EXT2: variants seen among roughly 807,000 people sequenced by gnomAD.
The protein encoded by EXT2 is exostosin glycosyltransferase 2, also known as exostosin-2.
EXT2 carries 53 observed loss-of-function variants against 81.6 expected under a neutral mutation model. The ratio of observed to expected loss-of-function variants is 0.65; its 90% CI spans 0.52 to 0.82. The LOEUF (loss-of-function observed/expected upper bound fraction) is 0.82, where lower values mean the gene tolerates loss of function less well. EXT2 is among the 40% of genes least tolerant of loss of function. The pLI, the probability that EXT2 is intolerant of heterozygous loss-of-function variation, is 0.00. For synonymous variants in EXT2, 320 were observed against 340.0 expected (o/e 0.94, Z 0.65); for missense variants, 774 against 910.2 (o/e 0.85, Z 1.93).
intron 10 of EXT2, among the ~76,000 whole-genome samples, chr11:44,230,953 A>G (rs10466399): frequency 0.22 from 34,099 of 152,136 alleles, 4,272 homozygotes; most frequent in Non-Finnish European, 0.29. Context: ...GCTCTGGCAT[A>G]TGATCATATG....
rs1555004227 is a variant in EXT2 at position 44,119,124 on chromosome 11, T to TA, written c.743+4823_743+4824insA. 1.5e-3 allele frequency among the ~76,000 whole-genome samples: 38 copies of TA among 25,650 alleles called. 1 individual carries two copies. The highest frequency in any genetic ancestry group is 6.3e-3 in the South Asian group (3 of 474). The allele number at this position is 25,650 out of a possible 152,430, so 16.8% of individuals were successfully genotyped here. ...TGTCCCCCAGGGGACATTTGGCTAT[T>TA]TATATATATATATATATATATATAT... On this transcript the variant is annotated intron_variant, in intron 4 of 13. Coordinates refer to ENST00000533608, the MANE Select transcript of EXT2 (RefSeq NM_207122.2).
intron 7 of EXT2, among the ~76,000 whole-genome samples, chr11:44,163,697 G>C (rs1331808071): frequency 6.6e-6 from 1 of 152,204 alleles, no homozygotes; most frequent in African/African-American, 2.4e-5. Flanking sequence ...GTCAATGTTA[G>C]TGTGTTAAGA....
intron 6 of EXT2, among the ~76,000 whole-genome samples, chr11:44,127,284 A>G (rs1014478530): frequency 5.3e-5 from 8 of 152,168 alleles, no homozygotes; most frequent in African/African-American, 1.9e-4. Context: ...AAATATCACT[A>G]TCTGGCCTTT....
Position 44,108,095 on chromosome 11 carries a change from G to C in EXT2, c.383G>C (p.Arg128Pro), listed in dbSNP as rs771039412. 1.2e-6 allele frequency: 2 copies of C among 1,614,156 alleles called. No individual in the cohort carries two copies. The highest frequency in any genetic ancestry group is 1.7e-6 in the Non-Finnish European group (2 of 1,180,028). The change falls in exon 2 of 14, where the codon CGG (arginine) becomes CCG (proline). Residue 128 changes from arginine to proline, a missense_variant. Physicochemically the swap from Arg to Pro is moderately radical, Grantham distance 103. Coordinates refer to ENST00000533608, the MANE Select transcript of EXT2 (RefSeq NM_207122.2). ...GTCTCTGTCAGCAACACCATCTCCC[G>C]GGAGTATAATGAACTGCTCATGGCC... ...FGVSVSNTIS[R>P]EYNELLMAIS...
At chr11:44,222,037 A>G (rs1590659331) in intron 10 of EXT2, among the ~76,000 whole-genome samples, 1 of 152,316 alleles carries the variant, frequency 6.6e-6, no homozygotes, top group South Asian at 2.1e-4. Flanking sequence ...TCTCGATCAT[A>G]TTTATTTCTT....
intron 7 of EXT2, 137 bp from the exon 8 acceptor site, chr11:44,171,474 A>C: frequency 7.9e-7 from 1 of 1,272,820 alleles, no homozygotes; most frequent in Non-Finnish European, 1.1e-6. Context: ...AGCAGGGAGC[A>C]TATGCCCTAG....
intron 7 of EXT2, among the ~76,000 whole-genome samples, chr11:44,143,538 G>A (rs1241016593): frequency 6.6e-6 from 1 of 152,178 alleles, no homozygotes; most frequent in African/African-American, 2.4e-5. Flanking sequence ...AAAAGTGAGA[G>A]CCACTGACAT....
chr11:44,162,762 G>A (rs1954944276), intron 7 of EXT2, among the ~76,000 whole-genome samples: 2 of 152,084 alleles, frequency 1.3e-5, no homozygotes, highest in Non-Finnish European at 2.9e-5. Flanking sequence ...TTATGTAACT[G>A]ATAGGTGAAG....
At chr11:44,134,089 A>G (rs1000207866) in intron 7 of EXT2, among the ~76,000 whole-genome samples, 6 of 152,242 alleles carry the variant, frequency 3.9e-5, no homozygotes, top group Non-Finnish European at 5.9e-5. Flanking sequence ...ACCAGTGAGC[A>G]GTGCTGCCAC....
chr11:44,124,842 G>C lies in EXT2; in HGVS notation c.797G>C (p.Arg266Thr), dbSNP rs765662591. Residue 266 changes from arginine to threonine, a missense_variant, in exon 5 of 14, where the codon AGA becomes ACA. Arg to Thr is a moderately conservative substitution (Grantham distance 71, BLOSUM62 -1). Coordinates refer to ENST00000533608, the MANE Select transcript of EXT2 (RefSeq NM_207122.2). ...CAGGTGGGTCTCCATCCTGAGTACA[G>C]AGAGGACCTAGAAGCCCTCCAGGTC... ...SSQVGLHPEY[R>T]EDLEALQVKH... The C allele has an allele frequency of 6.2e-7, 1 of 1,614,036 alleles. No homozygotes were observed. Among genetic ancestry groups the C allele is most frequent in the African/African-American group, 1.3e-5 (1 of 74,980 alleles).
intron 6 of EXT2, among the ~76,000 whole-genome samples, chr11:44,129,138 T>C (rs1441657979): frequency 1.3e-5 from 2 of 152,224 alleles, no homozygotes; most frequent in African/African-American, 2.4e-5. Context: ...AAGTCTTCCC[T>C]CATCTGCATC....
intron 9 of EXT2, among the ~76,000 whole-genome samples, chr11:44,201,626 G>C (rs1955523623): frequency 6.6e-6 from 1 of 152,186 alleles, no homozygotes; most frequent in South Asian, 2.1e-4. Context: ...TGTGTTGTCA[G>C]TTCTTTGATT....
At chr11:44,152,414 G>T (rs2135085417) in intron 7 of EXT2, among the ~76,000 whole-genome samples, 1 of 152,232 alleles carries the variant, frequency 6.6e-6, no homozygotes, top group South Asian at 2.1e-4. Flanking sequence ...GCAGTGGTGT[G>T]TTCTCAGCTC....
rs895643419 is a variant in EXT2 at position 44,245,284 on chromosome 11, G to A, written c.*997G>A. On this transcript the variant is annotated 3_prime_UTR_variant, in exon 14 of 14. Transcript: ENST00000533608. ...GGGAATTGTGACCCCCATCCCAAGGGGATGCCAAAATTTCTCTCATTCTTT... is the reference window on the plus strand; with the variant it reads ...GGGAATTGTGACCCCCATCCCAAGGAGATGCCAAAATTTCTCTCATTCTTT... 4.4e-6 allele frequency: 1 copy of A among 224,900 alleles called. No homozygotes were observed. Among genetic ancestry groups the A allele is most frequent in the Non-Finnish European group, 8.9e-6 (1 of 112,674 alleles). The allele number at this position is 224,900 out of a possible 1,614,324, so 13.9% of individuals were successfully genotyped here.
chr11:44,190,371 G>T (rs1955375603), intron 8 of EXT2, among the ~76,000 whole-genome samples: 1 of 152,140 alleles, frequency 6.6e-6, no homozygotes. Flanking sequence ...AAACAACCAA[G>T]AAAACTGCCC....
chr11:44,219,471 G>T (rs1309392392), intron 10 of EXT2, among the ~76,000 whole-genome samples: 1 of 152,108 alleles, frequency 6.6e-6, no homozygotes, highest in Non-Finnish European at 1.5e-5. Context: ...TCCAGCCTGG[G>T]CAACAAAGTG....
chr11:44,246,458 C>T lies in EXT2; in HGVS notation c.*2171C>T, dbSNP rs1956094404. Among the ~76,000 whole-genome samples, 1 of 152,004 alleles carries T rather than the reference C, an allele frequency of 6.6e-6. No individual in the cohort carries two copies. The highest frequency in any genetic ancestry group is 2.4e-5 in the African/African-American group (1 of 41,360). On this transcript the variant is annotated 3_prime_UTR_variant, in exon 14 of 14. Coordinates refer to ENST00000533608, the MANE Select transcript of EXT2 (RefSeq NM_207122.2). ...TCTTTCATCTGAGTTCATTGTGAGC[C>T]CTAGAGAGCTGTGTGACTTTATCAT...
At chr11:44,101,744 C>T (rs547383686) in intron 1 of EXT2, among the ~76,000 whole-genome samples, 72 of 152,162 alleles carry the variant, frequency 4.7e-4, no homozygotes, top group African/African-American at 1.7e-3. Context: ...TCCCAAGTAT[C>T]AATGAGGATG....
intron 13 of EXT2, among the ~76,000 whole-genome samples, chr11:44,243,412 A>G (rs116693208): frequency 6.6e-6 from 1 of 152,126 alleles, no homozygotes; most frequent in Admixed American, 6.5e-5. Context: ...GCTGTGCTGC[A>G]CTGGCACTGA....
Sources: gnomAD v4.1 joint callset for allele counts (sites outside exome capture counted in the v4.1 genomes callset) on GRCh38, gnomAD v4.1.1 for gene constraint, MANE v1.5 for transcripts, NCBI Gene and HGNC (gene_info 2026-07-23, HGNC 2026-07-21) for gene names.